Variants in IL1RAPL1 observed in about 807,000 individuals in gnomAD.
The protein encoded by IL1RAPL1 is interleukin-1 receptor accessory protein-like 1.
A neutral mutation model predicts 48.4 loss-of-function variants in IL1RAPL1; 3 were observed. The observed-to-expected ratio is 0.06, with a 90% CI of 0.03 to 0.16. The LOEUF (loss-of-function observed/expected upper bound fraction) is 0.16. IL1RAPL1 is among the 10% of genes least tolerant of loss of function. The pLI is 1.00. For missense variants in IL1RAPL1, 349 were observed against 530.6 expected (o/e 0.66, Z 3.36); for synonymous variants, 185 against 187.7 (o/e 0.99, Z 0.12).
intron 2 of IL1RAPL1, among the ~76,000 whole-genome samples, chrX:28,809,986 TA>T (rs1435803286): frequency 9.2e-6 from 1 of 108,475 alleles, no homozygotes; most frequent in East Asian, 2.9e-4. Flanking sequence ...ATATACCATA[TA>T]AAGAAGCACA....
At chrX:29,452,102 A>G (rs1934686676) in intron 5 of IL1RAPL1, among the ~76,000 whole-genome samples, 1 of 112,295 alleles carries the variant, frequency 8.9e-6, no homozygotes, top group African/African-American at 3.2e-5. Flanking sequence ...AGATAACAAA[A>G]TGATTTTATC....
intron 2 of IL1RAPL1, among the ~76,000 whole-genome samples, chrX:29,103,910 A>T (rs1602058300): frequency 1.8e-5 from 2 of 111,971 alleles, no homozygotes; most frequent in Non-Finnish European, 3.8e-5. Flanking sequence ...GCAAATCAAA[A>T]CTACAATGAG....
intron 6 of IL1RAPL1, among the ~76,000 whole-genome samples, chrX:29,685,174 G>C (rs913927936): frequency 8.9e-6 from 1 of 112,277 alleles, no homozygotes; most frequent in African/African-American, 3.2e-5. Flanking sequence ...GACATTTACA[G>C]TGCATCTTGC....
chrX:29,939,175 A>G (rs971201851), intron 8 of IL1RAPL1, among the ~76,000 whole-genome samples: 1 of 112,028 alleles, frequency 8.9e-6, no homozygotes, highest in Non-Finnish European at 1.9e-5. Context: ...ACAATGTGGT[A>G]ATATCACTGG....
At chrX:29,635,269 G>T (rs1444336073) in intron 5 of IL1RAPL1, among the ~76,000 whole-genome samples, 2 of 111,639 alleles carry the variant, frequency 1.8e-5, no homozygotes, top group Non-Finnish European at 1.9e-5. Flanking sequence ...TGACATCAAG[G>T]CATAGTGGCC....
intron 3 of IL1RAPL1, among the ~76,000 whole-genome samples, chrX:29,363,012 G>A (rs1933397630): frequency 9.0e-6 from 1 of 111,542 alleles, no homozygotes; most frequent in South Asian, 3.8e-4. Flanking sequence ...TGAGGCACGG[G>A]AAGGTTAAGT....
intron 6 of IL1RAPL1, among the ~76,000 whole-genome samples, chrX:29,794,659 T>G (rs1027840991): frequency 4.5e-5 from 5 of 111,965 alleles, no homozygotes; most frequent in African/African-American, 1.3e-4. Flanking sequence ...GAGAGGTTCA[T>G]TATGAGGAAG....
chrX:28,862,278 C>G (rs993403899), intron 2 of IL1RAPL1, among the ~76,000 whole-genome samples: 1 of 111,692 alleles, frequency 9.0e-6, no homozygotes, highest in Non-Finnish European at 1.9e-5. Flanking sequence ...TCATTGTTAG[C>G]AACATTTGTG....
In IL1RAPL1 at chrX:28,829,271, A is replaced by G. The variant is rs1287362681; in HGVS notation, c.82+39846A>G. On this transcript the variant is annotated intron_variant, in intron 2 of 10. Transcript: ENST00000378993. ...GTATAGATTCCTTAGTATTTTCTGT[A>G]TATAAAATGATGTCATCTGTTAATG... 2.7e-5 allele frequency among the ~76,000 whole-genome samples: 3 copies of G among 111,264 alleles called. No homozygotes were observed. The East Asian group carries it at 8.5e-4, about 31-fold the overall frequency.
chrX:29,100,028 A>T (rs1299609533), intron 2 of IL1RAPL1, among the ~76,000 whole-genome samples: 1 of 110,090 alleles, frequency 9.1e-6, no homozygotes, highest in Non-Finnish European at 1.9e-5. Context: ...CCTGGCCAAC[A>T]TGGTGAAACC....
At chrX:28,719,549 G>T (rs1935545073) in intron 1 of IL1RAPL1, among the ~76,000 whole-genome samples, 1 of 110,036 alleles carries the variant, frequency 9.1e-6, no homozygotes. Flanking sequence ...GTAAGCTTTG[G>T]AGGTTTTTGT....
intron 1 of IL1RAPL1, among the ~76,000 whole-genome samples, chrX:28,716,158 A>G (rs188141268): frequency 8.9e-6 from 1 of 112,259 alleles, no homozygotes; most frequent in Non-Finnish European, 1.9e-5. Context: ...AAAACTCACA[A>G]TAAACTAGGT....
At chrX:29,194,703 G>A in intron 2 of IL1RAPL1, among the ~76,000 whole-genome samples, 1 of 111,937 alleles carries the variant, frequency 8.9e-6, no homozygotes, top group African/African-American at 3.2e-5. Flanking sequence ...GTATGAAATG[G>A]TAATTATATT....
chrX:29,536,121 G>A (rs893813070), intron 5 of IL1RAPL1, among the ~76,000 whole-genome samples: 5 of 112,028 alleles, frequency 4.5e-5, no homozygotes, highest in South Asian at 3.7e-4. Flanking sequence ...TTCAGTCCCT[G>A]CTTTTTAGGA....
At chrX:29,101,251 G>A (rs1000196662) in intron 2 of IL1RAPL1, among the ~76,000 whole-genome samples, 3 of 111,899 alleles carry the variant, frequency 2.7e-5, no homozygotes, top group African/African-American at 9.7e-5. Flanking sequence ...TGGAAAATCT[G>A]GAAGAAATAG....
chrX:29,671,702 A>G (rs149765743), intron 6 of IL1RAPL1, among the ~76,000 whole-genome samples: 1,777 of 111,618 alleles, frequency 0.016, 14 homozygotes, highest in Non-Finnish European at 0.026. Context: ...GACAGCCACA[A>G]TTGTCTTGCT....
chrX:29,852,677 T>C (rs1282527733), intron 6 of IL1RAPL1, among the ~76,000 whole-genome samples: 2 of 112,089 alleles, frequency 1.8e-5, no homozygotes, highest in African/African-American at 6.5e-5. Flanking sequence ...CATTTTTTTA[T>C]AGTCAGTTTT....
chrX:29,211,687 A>G, intron 2 of IL1RAPL1, among the ~76,000 whole-genome samples: 1 of 111,788 alleles, frequency 8.9e-6, no homozygotes. Flanking sequence ...CAAGGAGCAA[A>G]ATGATGAGTC....
intron 1 of IL1RAPL1, among the ~76,000 whole-genome samples, chrX:28,761,601 G>T (rs760706855): frequency 9.0e-6 from 1 of 110,776 alleles, no homozygotes; most frequent in Admixed American, 9.7e-5. Flanking sequence ...AGGAATAAGG[G>T]AAAGAGCGGG....
Sources: gnomAD v4.1 joint callset for allele counts (sites outside exome capture counted in the v4.1 genomes callset) on GRCh38, gnomAD v4.1.1 for gene constraint, MANE v1.5 for transcripts, NCBI Gene and HGNC (gene_info 2026-07-23, HGNC 2026-07-21) for gene names.